The following GLIS3 variants were observed in gnomAD, a reference collection of about 807,000 sequenced individuals.
GLIS3 encodes GLIS family zinc finger 3.
Under a neutral mutation model 78.6 loss-of-function variants are expected in GLIS3, and 53 were observed. The observed-to-expected ratio is 0.67, with a 90% CI of 0.54 to 0.85. GLIS3 has a LOEUF of 0.85. GLIS3 is among the 40% of genes least tolerant of loss of function. The pLI is 0.00. For missense variants in GLIS3, 1,703 were observed against 1,231.1 expected, an observed-to-expected ratio of 1.38 and a Z score of -5.74; for synonymous variants, 684 against 509.9, an observed-to-expected ratio of 1.34 and a Z score of -4.60.
upstream of GLIS3, among the ~76,000 whole-genome samples, chr9:4,350,972 C>T (rs1416229720): frequency 1.3e-5 from 2 of 152,174 alleles, no homozygotes; most frequent in Admixed American, 1.3e-4. Context: ...AAGCCTGGGG[C>T]CCTGTGTGTC....
intron 2 of GLIS3, among the ~76,000 whole-genome samples, chr9:4,337,944 A>G (rs997136339): frequency 6.6e-6 from 1 of 151,906 alleles, no homozygotes; most frequent in African/African-American, 2.4e-5. Context: ...TTATGTGACC[A>G]AGCAGGAGCT....
intron 2 of GLIS3, among the ~76,000 whole-genome samples, chr9:4,340,265 A>T (rs1243109282): frequency 6.7e-6 from 1 of 148,638 alleles, no homozygotes; most frequent in Non-Finnish European, 1.5e-5. Context: ...GTACCCAGAT[A>T]GAAGTTTAGG....
At chr9:4,172,510 T>C (rs566554560) in intron 2 of GLIS3, among the ~76,000 whole-genome samples, 4 of 152,304 alleles carry the variant, frequency 2.6e-5, no homozygotes, top group African/African-American at 9.6e-5. Context: ...CACTTTTATA[T>C]AGGGTATTTG....
chr9:4,394,179 A>C, the GLIS3 span, among the ~76,000 whole-genome samples: 93 of 152,128 alleles, frequency 6.1e-4, 1 homozygote, highest in Admixed American at 2.9e-3. Flanking sequence ...AATTCTTCTC[A>C]AGGAGTGTAT....
At chr9:4,168,267 G>C (rs1816052435) in intron 2 of GLIS3, among the ~76,000 whole-genome samples, 2 of 151,834 alleles carry the variant, frequency 1.3e-5, no homozygotes, top group Admixed American at 1.3e-4. Context: ...ACTGTCTAAA[G>C]TATATTTTAA....
intron 2 of GLIS3, among the ~76,000 whole-genome samples, chr9:4,210,874 T>C (rs1820314935): frequency 6.6e-6 from 1 of 152,222 alleles, no homozygotes; most frequent in Non-Finnish European, 1.5e-5. Context: ...ATTTTCCTTC[T>C]TCCAAGGTAA....
chr9:3,863,427 C>CACTGGGGCAGG (rs533671802), intron 8 of GLIS3, among the ~76,000 whole-genome samples: 1 of 152,188 alleles, frequency 6.6e-6, no homozygotes, highest in East Asian at 1.9e-4. Context: ...CAACACTGTC[C>CACTGGGGCAGG]ACTGGGGCAG....
At chr9:4,210,701 C>T (rs1358558432) in intron 2 of GLIS3, among the ~76,000 whole-genome samples, 1 of 152,222 alleles carries the variant, frequency 6.6e-6, no homozygotes, top group African/African-American at 2.4e-5. Context: ...CAATGCTTAT[C>T]CTGCTCGTCC....
intron 2 of GLIS3, among the ~76,000 whole-genome samples, chr9:4,326,574 A>T (rs1382022300): frequency 6.6e-6 from 1 of 152,226 alleles, no homozygotes; most frequent in Non-Finnish European, 1.5e-5. Context: ...ATAGGTACAG[A>T]GTTCCAGTTT....
At chr9:4,424,949 T>C in the GLIS3 span, among the ~76,000 whole-genome samples, 3 of 152,010 alleles carry the variant, frequency 2.0e-5, no homozygotes, top group African/African-American at 7.3e-5. Context: ...CAGTGAAATG[T>C]AAACAGGCTG....
At chr9:4,410,499 A>T in the GLIS3 span, among the ~76,000 whole-genome samples, 4 of 152,338 alleles carry the variant, frequency 2.6e-5, no homozygotes, top group African/African-American at 7.2e-5. Flanking sequence ...CTATGATTGA[A>T]AACATTTCAT....
intron 2 of GLIS3, among the ~76,000 whole-genome samples, chr9:4,143,901 G>C (rs1216221790): frequency 1.3e-5 from 2 of 152,198 alleles, no homozygotes; most frequent in East Asian, 3.9e-4. Flanking sequence ...CTAAATGTTT[G>C]AAAGAGATTT....
At chr9:4,218,511 C>T (rs1821052169) in intron 2 of GLIS3, among the ~76,000 whole-genome samples, 1 of 152,168 alleles carries the variant, frequency 6.6e-6, no homozygotes, top group Non-Finnish European at 1.5e-5. Flanking sequence ...ATCTCTTGAC[C>T]TCGTGATCTG....
At chr9:4,169,320 T>C (rs992445462) in intron 2 of GLIS3, among the ~76,000 whole-genome samples, 5 of 152,218 alleles carry the variant, frequency 3.3e-5, no homozygotes, top group African/African-American at 4.8e-5. Context: ...ACTAACCAGT[T>C]TGAACACCCT....
chr9:4,373,895 T>C, the GLIS3 span, among the ~76,000 whole-genome samples: 46 of 152,278 alleles, frequency 3.0e-4, no homozygotes, highest in African/African-American at 8.4e-4. Context: ...CTCAAATTCC[T>C]GACCTCGTGA....
At chr9:4,387,587 A>T in the GLIS3 span, among the ~76,000 whole-genome samples, 1 of 152,228 alleles carries the variant, frequency 6.6e-6, no homozygotes, top group Non-Finnish European at 1.5e-5. Context: ...GGAGGATAAT[A>T]CCAAGAGTTT....
intron 3 of GLIS3, among the ~76,000 whole-genome samples, chr9:4,121,956 C>G (rs1352632460): frequency 2.6e-5 from 4 of 152,202 alleles, no homozygotes; most frequent in South Asian, 2.1e-4. Context: ...AAAGTGACAG[C>G]TGTATCATTA....
chr9:4,332,065 T>G (rs1192500054), intron 2 of GLIS3, among the ~76,000 whole-genome samples: 1 of 152,198 alleles, frequency 6.6e-6, no homozygotes, highest in Non-Finnish European at 1.5e-5. Context: ...TAAAAATGCT[T>G]AATTCCTCCA....
intron 4 of GLIS3, among the ~76,000 whole-genome samples, chr9:4,075,507 C>T (rs991766233): frequency 2.6e-5 from 4 of 151,586 alleles, no homozygotes; most frequent in Non-Finnish European, 5.9e-5. Flanking sequence ...ACCCAGGAGG[C>T]GGAGCTGGCT....
Sources: allele counts gnomAD v4.1 joint callset (sites outside exome capture counted in the v4.1 genomes callset), GRCh38; gene constraint gnomAD v4.1.1; transcripts MANE v1.5; gene names NCBI Gene and HGNC (gene_info 2026-07-23, HGNC 2026-07-21).